NOX3: variants seen among roughly 807,000 people sequenced by gnomAD.
NOX3 encodes the protein NADPH oxidase 3, also known as NADPH oxidase catalytic subunit-like 3.
NOX3 carries 74 observed loss-of-function variants against 76.7 expected under a neutral mutation model. The observed-to-expected ratio is 0.96, with a 90% CI of 0.80 to 1.17. The LOEUF (loss-of-function observed/expected upper bound fraction) is 1.17. Among genes scored for constraint, NOX3 ranks in the 50% most tolerant of loss-of-function variants. The pLI is 0.00. For missense variants in NOX3, 695 were observed against 703.3 expected, an observed-to-expected ratio of 0.99 and a Z score of 0.13; for synonymous variants, 263 against 261.1, an observed-to-expected ratio of 1.01 and a Z score of -0.07.
intron 5 of NOX3, among the ~76,000 whole-genome samples, chr6:155,442,218 C>T (rs1056714264): frequency 6.6e-6 from 1 of 151,942 alleles, no homozygotes; most frequent in Non-Finnish European, 1.5e-5. Context: ...GAGCCGTGAT[C>T]GCACCACTGC....
intron 12 of NOX3, among the ~76,000 whole-genome samples, chr6:155,399,953 G>A (rs923042007): frequency 5.3e-5 from 8 of 152,200 alleles, no homozygotes; most frequent in African/African-American, 1.2e-4. Context: ...CGGGGACAAT[G>A]TTAATGGCAT....
chr6:155,422,320 C>T (rs1004253439), intron 10 of NOX3, among the ~76,000 whole-genome samples: 12 of 152,114 alleles, frequency 7.9e-5, no homozygotes, highest in African/African-American at 2.7e-4. Context: ...AGGAGGACAT[C>T]GAATTGTACA....
At chr6:155,432,431 G>T (rs1776846378) in intron 7 of NOX3, among the ~76,000 whole-genome samples, 1 of 151,376 alleles carries the variant, frequency 6.6e-6, no homozygotes, top group South Asian at 2.1e-4. Context: ...CAGGAAGGAT[G>T]TCTCGGTCTT....
intron 6 of NOX3, among the ~76,000 whole-genome samples, 185 bp from the exon 7 acceptor site, chr6:155,436,732 G>A (rs191410276): frequency 1.3e-5 from 2 of 152,116 alleles, no homozygotes; most frequent in Admixed American, 6.5e-5. Context: ...AAGAAGCTTC[G>A]AGTAACTTTG....
intron 12 of NOX3, among the ~76,000 whole-genome samples, chr6:155,406,605 C>T (rs990905015): frequency 6.6e-6 from 1 of 152,146 alleles, no homozygotes; most frequent in Non-Finnish European, 1.5e-5. Flanking sequence ...GAGGAAAGCA[C>T]TATTATTTTC....
chr6:155,449,990 A>C lies in NOX3; in HGVS notation c.340+3414T>G, dbSNP rs113792445. On this transcript the variant is annotated intron_variant, in intron 4 of 13. Coordinates refer to ENST00000159060, the MANE Select transcript of NOX3 (RefSeq NM_015718.3). Reference sequence around the variant, plus strand: ...AGTTGCCAGACGCATTTCTTCGTTCATGTGAAATGTAATAATTGCTTTGTC... The same window carrying C: ...AGTTGCCAGACGCATTTCTTCGTTCCTGTGAAATGTAATAATTGCTTTGTC... Among the ~76,000 whole-genome samples the C allele has an allele frequency of 3.9e-3, 600 of 152,306 alleles. 4 individuals are homozygous for C. The highest frequency in any genetic ancestry group is 0.013 in the African/African-American group (555 of 41,580).
chr6:155,414,623 C>CTTTTTTTTTTTTTTTTTTTTTT (rs72348061), intron 10 of NOX3, among the ~76,000 whole-genome samples: 7 of 113,790 alleles, frequency 6.2e-5, no homozygotes, highest in East Asian at 2.4e-4. Flanking sequence ...TCTTTTCTTT[C>CTTTTTTTTTTTTTTTTTTTTTT]TTTTTTTTTT....
intron 12 of NOX3, among the ~76,000 whole-genome samples, chr6:155,398,724 T>C (rs1779173234): frequency 6.6e-6 from 1 of 152,144 alleles, no homozygotes; most frequent in Admixed American, 6.5e-5. Flanking sequence ...TAAAAGGCAA[T>C]GGTTAAGAGT....
intron 10 of NOX3, among the ~76,000 whole-genome samples, chr6:155,414,229 CT>C (rs1383179780): frequency 6.6e-6 from 1 of 152,094 alleles, no homozygotes; most frequent in African/African-American, 2.4e-5. Context: ...TTTACTTTGA[CT>C]TTCTTTCATC....
intron 5 of NOX3, among the ~76,000 whole-genome samples, chr6:155,443,037 G>GTA (rs201971855): frequency 7.9e-5 from 12 of 151,844 alleles, no homozygotes; most frequent in South Asian, 2.1e-4. Flanking sequence ...GTGTGTGTGT[G>GTA]TATATATATA....
chr6:155,438,939 A>G (rs1776945950), intron 6 of NOX3, among the ~76,000 whole-genome samples: 1 of 152,198 alleles, frequency 6.6e-6, no homozygotes, highest in African/African-American at 2.4e-5. Flanking sequence ...GGTGTTGAGG[A>G]AGGTTTAATT....
At position 155,428,955 on chromosome 6, in the gene NOX3, T is replaced by G. The variant is rs1562465942; in HGVS notation, c.984A>C (p.Pro328=). The G allele has an allele frequency of 6.2e-7, 1 of 1,614,056 alleles. No individual in the cohort carries two copies. The highest frequency in any genetic ancestry group is 1.7e-5 in the Admixed American group (1 of 60,016). The change falls in exon 9 of 14, where the codon CCA becomes CCC. Residue 328 remains proline (P), a synonymous_variant. Coordinates refer to ENST00000159060, the MANE Select transcript of NOX3 (RefSeq NM_015718.3). Reference sequence around the variant, plus strand: ...GGTGCCACTCCAGCGAAGATATGGCTGGGCACTGCACCAAGATGTACTGCC... The same window carrying G: ...GGTGCCACTCCAGCGAAGATATGGCGGGGCACTGCACCAAGATGTACTGCC... The part of the protein sequence containing the change: ...APGQYILVQC[P]AISSLEWHPF...
At chr6:155,420,525 G>A (rs1050252955) in intron 10 of NOX3, among the ~76,000 whole-genome samples, 1 of 152,142 alleles carries the variant, frequency 6.6e-6, no homozygotes, top group African/African-American at 2.4e-5. Context: ...AAGAAGATGA[G>A]CTTTGGTGCC....
intron 5 of NOX3, among the ~76,000 whole-genome samples, chr6:155,440,359 C>T (rs957571129): frequency 2.6e-5 from 4 of 151,994 alleles, no homozygotes; most frequent in African/African-American, 4.8e-5. Flanking sequence ...CACCAGCTTA[C>T]GGTGGTTACT....
intron 4 of NOX3, among the ~76,000 whole-genome samples, chr6:155,446,583 C>T (rs1002496907): frequency 1.3e-5 from 2 of 152,140 alleles, no homozygotes; most frequent in Admixed American, 1.3e-4. Flanking sequence ...TGACTCGGTG[C>T]CCCATCTTTT....
intron 11 of NOX3, 150 bp downstream of exon 11, chr6:155,411,064 T>C: frequency 1.8e-6 from 1 of 569,138 alleles, no homozygotes. Context: ...CTTGCTAATC[T>C]GGTTTTATTT....
intron 4 of NOX3, among the ~76,000 whole-genome samples, chr6:155,448,978 G>T (rs2235671): frequency 0.12 from 18,537 of 152,136 alleles, 1,864 homozygotes; most frequent in East Asian, 0.51. Context: ...CACCCTGTGT[G>T]TGCCACGCAT....
At chr6:155,424,657 T>C (rs1776734336) in intron 9 of NOX3, among the ~76,000 whole-genome samples, 1 of 152,176 alleles carries the variant, frequency 6.6e-6, no homozygotes, top group African/African-American at 2.4e-5. Context: ...TCTTAATTAA[T>C]AAGGCTTTAT....
chr6:155,418,375 C>T (rs998531814), intron 10 of NOX3, among the ~76,000 whole-genome samples: 1 of 152,204 alleles, frequency 6.6e-6, no homozygotes, highest in African/African-American at 2.4e-5. Context: ...TTCTCAACCA[C>T]CCTCAGCCTT....
Sources: gnomAD v4.1 joint callset for allele counts (sites outside exome capture counted in the v4.1 genomes callset) on GRCh38, gnomAD v4.1.1 for gene constraint, MANE v1.5 for transcripts, NCBI Gene and HGNC (gene_info 2026-07-23, HGNC 2026-07-21) for gene names.